THSD7B: variants seen among roughly 807,000 people sequenced by gnomAD.
THSD7B encodes the protein thrombospondin type 1 domain containing 7B.
In THSD7B, 138 loss-of-function variants were observed where a neutral mutation model predicts 213.6. That is an observed-to-expected ratio of 0.65 (90% CI 0.56 to 0.74). THSD7B has a LOEUF of 0.74. Ranked by LOEUF, THSD7B falls within the 30% of genes least tolerant of loss-of-function variation. The probability of loss-of-function intolerance (pLI) is 0.00; values close to 1 mark genes in which losing one functional copy is unlikely to be tolerated. For synonymous variants in THSD7B, 742 were observed against 687.0 expected (o/e 1.08, Z -1.25); for missense variants, 1,931 against 1,991.5 (o/e 0.97, Z 0.58).
intron 12 of THSD7B, among the ~76,000 whole-genome samples, chr2:137,326,726 C>G (rs1313349202): frequency 1.3e-5 from 2 of 152,080 alleles, no homozygotes; most frequent in Non-Finnish European, 2.9e-5. Context: ...ATAGAAGATG[C>G]TGGAATGAAC....
chr2:137,549,571 A>G (rs530373425), intron 15 of THSD7B, among the ~76,000 whole-genome samples: 1 of 152,146 alleles, frequency 6.6e-6, no homozygotes, highest in African/African-American at 2.4e-5. Context: ...TTAACAGATT[A>G]TCAAGTGTAC....
intron 12 of THSD7B, among the ~76,000 whole-genome samples, chr2:137,361,598 G>C (rs537272500): frequency 6.6e-6 from 1 of 152,170 alleles, no homozygotes; most frequent in South Asian, 2.1e-4. Flanking sequence ...ACAAGCTTCA[G>C]TAGCTGATTT....
intron 17 of THSD7B, among the ~76,000 whole-genome samples, chr2:137,604,072 C>T (rs1438582139): frequency 6.6e-6 from 1 of 151,864 alleles, no homozygotes; most frequent in Non-Finnish European, 1.5e-5. Flanking sequence ...TCCAGCCTGC[C>T]TGGGTGACAG....
intron 15 of THSD7B, among the ~76,000 whole-genome samples, chr2:137,554,026 CT>C (rs59453034): frequency 0.079 from 11,411 of 143,672 alleles, 452 homozygotes; most frequent in African/African-American, 0.09. Flanking sequence ...AAGATAGCTA[CT>C]TTTTTTTTTT....
intron 12 of THSD7B, among the ~76,000 whole-genome samples, chr2:137,316,935 A>G (rs1684125310): frequency 6.6e-6 from 1 of 152,006 alleles, no homozygotes; most frequent in Non-Finnish European, 1.5e-5. Flanking sequence ...TAAGGTTTTT[A>G]CTCCTCTGAG....
At chr2:137,306,120 AGACACTTTTATAT>A (rs762943672) in intron 12 of THSD7B, among the ~76,000 whole-genome samples, 94 of 152,280 alleles carry the variant, frequency 6.2e-4, no homozygotes, top group Non-Finnish European at 1.1e-3. Context: ...GGACATTACT[AGACACTTTTATAT>A]GACTGGAGAG....
intron 12 of THSD7B, among the ~76,000 whole-genome samples, chr2:137,376,317 C>T (rs912001497): frequency 6.6e-6 from 1 of 152,182 alleles, no homozygotes; most frequent in Non-Finnish European, 1.5e-5. Flanking sequence ...TATTACTTCT[C>T]ATACTTCAAG....
At chr2:136,804,273 T>G (rs2558106) in intron 1 of THSD7B, among the ~76,000 whole-genome samples, 108,863 of 151,968 alleles carry the variant, frequency 0.72, 39,346 homozygotes, top group East Asian at 0.98. Flanking sequence ...CTTCCGTATA[T>G]AATTATTTGT....
At chr2:136,802,320 T>C (rs1682197241) in intron 1 of THSD7B, among the ~76,000 whole-genome samples, 1 of 151,984 alleles carries the variant, frequency 6.6e-6, no homozygotes, top group Non-Finnish European at 1.5e-5. Context: ...TATTTCCAAA[T>C]ATATTTTTGC....
At chr2:137,362,221 C>T (rs1685281574) in intron 12 of THSD7B, among the ~76,000 whole-genome samples, 1 of 152,186 alleles carries the variant, frequency 6.6e-6, no homozygotes, top group Non-Finnish European at 1.5e-5. Context: ...CTTACGAGAA[C>T]TCCTGAAGGA....
At chr2:136,825,463 C>G (rs540498939) in intron 1 of THSD7B, among the ~76,000 whole-genome samples, 3 of 152,116 alleles carry the variant, frequency 2.0e-5, no homozygotes, top group Non-Finnish European at 2.9e-5. Flanking sequence ...GTCCCTTCCT[C>G]CACCTTCAAA....
chr2:137,177,381 A>G (rs1038239678), intron 7 of THSD7B, among the ~76,000 whole-genome samples: 1 of 152,152 alleles, frequency 6.6e-6, no homozygotes, highest in African/African-American at 2.4e-5. Flanking sequence ...TCTGAAAAAG[A>G]AAAAGACAAA....
chr2:136,910,697 A>C (rs575618604), intron 2 of THSD7B, among the ~76,000 whole-genome samples: 2 of 152,220 alleles, frequency 1.3e-5, no homozygotes, highest in South Asian at 4.1e-4. Flanking sequence ...ACACATAAAC[A>C]TGAGTTTGAA....
At chr2:137,521,949 C>A (rs1680192628) in intron 15 of THSD7B, among the ~76,000 whole-genome samples, 1 of 152,116 alleles carries the variant, frequency 6.6e-6, no homozygotes, top group South Asian at 2.1e-4. Flanking sequence ...ACAAGATACC[C>A]AGTGTTCGAA....
chr2:137,424,646 TA>T (rs1184044824), intron 14 of THSD7B, among the ~76,000 whole-genome samples: 5 of 152,074 alleles, frequency 3.3e-5, no homozygotes, highest in African/African-American at 9.7e-5. Flanking sequence ...ATCATCTCAA[TA>T]GATAAAGAAA....
intron 12 of THSD7B, among the ~76,000 whole-genome samples, chr2:137,363,094 G>A (rs1172804853): frequency 2.0e-5 from 3 of 152,114 alleles, no homozygotes; most frequent in Non-Finnish European, 4.4e-5. Flanking sequence ...ACTCAAAACT[G>A]CACAAATATA....
chr2:137,599,490 G>C (rs1487016397), intron 17 of THSD7B, among the ~76,000 whole-genome samples: 1 of 151,496 alleles, frequency 6.6e-6, no homozygotes, highest in African/African-American at 2.4e-5. Flanking sequence ...GAAACAACAG[G>C]TGCTGGAGAG....
At chr2:136,781,142 T>TTAATTTGTAATTATATTAATTA (rs1306212046) in intron 1 of THSD7B, among the ~76,000 whole-genome samples, 17 of 152,200 alleles carry the variant, frequency 1.1e-4, no homozygotes, top group African/African-American at 4.1e-4. Context: ...ATATACATTA[T>TTAATTTGTAATTATATTAATTA]CAAAAATTAA....
At chr2:137,036,104 G>A (rs781660729) in intron 2 of THSD7B, among the ~76,000 whole-genome samples, 4 of 152,128 alleles carry the variant, frequency 2.6e-5, no homozygotes, top group Admixed American at 6.5e-5. Context: ...TTTTTTATAT[G>A]TAATGCAGGT....
Sources: gnomAD v4.1 joint callset for allele counts (sites outside exome capture counted in the v4.1 genomes callset) on GRCh38, gnomAD v4.1.1 for gene constraint, MANE v1.5 for transcripts, NCBI Gene and HGNC (gene_info 2026-07-23, HGNC 2026-07-21) for gene names.